The following DCUN1D2 variants were observed in gnomAD, a reference collection of about 807,000 sequenced individuals.
DCUN1D2 encodes defective in cullin neddylation 1 domain containing 2.
A neutral mutation model predicts 30.9 loss-of-function variants in DCUN1D2; 29 were observed. The observed-to-expected ratio is 0.94, with a 90% CI of 0.70 to 1.28. The LOEUF (loss-of-function observed/expected upper bound fraction) is 1.28. Among genes scored for constraint, DCUN1D2 ranks in the 50% most tolerant of loss-of-function variants. The pLI, the probability that DCUN1D2 is intolerant of heterozygous loss-of-function variation, is 0.00. For missense variants in DCUN1D2, 325 were observed against 316.9 expected (o/e 1.03, Z -0.19); for synonymous variants, 121 against 115.3 (o/e 1.05, Z -0.32).
At chr13:113,458,501 C>T (rs1271389862) in intron 6 of DCUN1D2, among the ~76,000 whole-genome samples, 1 of 152,230 alleles carries the variant, frequency 6.6e-6, no homozygotes, top group Non-Finnish European at 1.5e-5. Flanking sequence ...CCAAGTGGGA[C>T]CACCCCATTG....
intron 4 of DCUN1D2, 63 bp downstream of exon 4, chr13:113,474,061 G>T: frequency 6.4e-7 from 1 of 1,568,792 alleles, no homozygotes; most frequent in Non-Finnish European, 8.7e-7. Context: ...AAATCATGTT[G>T]CTCACGTCCA....
chr13:113,484,953 C>G (rs1208785033), intron 1 of DCUN1D2, among the ~76,000 whole-genome samples: 3 of 152,096 alleles, frequency 2.0e-5, no homozygotes, highest in African/African-American at 7.2e-5. Context: ...TGGCATGCGC[C>G]TATAGTCCCA....
At chr13:113,485,254 C>T (rs945212888) in intron 1 of DCUN1D2, among the ~76,000 whole-genome samples, 1 of 152,022 alleles carries the variant, frequency 6.6e-6, no homozygotes, top group South Asian at 2.1e-4. Context: ...TTACTCAAAA[C>T]GATTTATACT....
chr13:113,463,580 T>C (rs2044353392), intron 4 of DCUN1D2, among the ~76,000 whole-genome samples: 1 of 151,698 alleles, frequency 6.6e-6, no homozygotes. Context: ...AGCCAACTGA[T>C]TCAAGACTCT....
chr13:113,474,058 G>C, intron 4 of DCUN1D2, 66 bp downstream of exon 4: 3 of 1,561,600 alleles, frequency 1.9e-6, no homozygotes, highest in Admixed American at 1.8e-5. Context: ...CAAAAATCAT[G>C]TTGCTCACGT....
chr13:113,472,079 G>A, intron 4 of DCUN1D2, among the ~76,000 whole-genome samples: 1 of 152,030 alleles, frequency 6.6e-6, no homozygotes, highest in Non-Finnish European at 1.5e-5. Flanking sequence ...TCTACTGGTG[G>A]AGACAGCATT....
chr13:113,490,618 C>T lies in DCUN1D2; in HGVS notation c.3+49G>A. The T allele has an allele frequency of 8.3e-7, 1 of 1,210,678 alleles. No homozygotes were observed. Among genetic ancestry groups the T allele is most frequent in the Non-Finnish European group, 1.0e-6 (1 of 973,062 alleles). The allele number at this position is 1,210,678 out of a possible 1,614,324, so 75.0% of individuals were successfully genotyped here. On this transcript the variant is annotated intron_variant, in intron 1 of 6. Transcript: ENST00000478244. The surrounding 1 kb of genome is among the most constrained non-coding windows in gnomAD (Gnocchi z 5.2). ...CGCCGCCTGCGCCGACCTTGGGGCC[C>T]GACCCCGACCCCGACCCCGACGGGC... is the stretch of plus-strand genomic sequence containing the variant.
At chr13:113,474,659 C>T (rs1407034909) in intron 3 of DCUN1D2, among the ~76,000 whole-genome samples, 1 of 152,188 alleles carries the variant, frequency 6.6e-6, no homozygotes, top group East Asian at 1.9e-4. Flanking sequence ...AACTTGGTAG[C>T]TTTGACCACG....
chr13:113,458,176 A>T, intron 6 of DCUN1D2, 68 bp from the exon 7 acceptor site: 1 of 1,287,498 alleles, frequency 7.8e-7, no homozygotes, highest in Non-Finnish European at 1.1e-6. Context: ...ACTGAGTCAC[A>T]CATCAATCCA....
intron 2 of DCUN1D2, among the ~76,000 whole-genome samples, 195 bp downstream of exon 2, chr13:113,483,645 C>G (rs921946974): frequency 6.6e-6 from 1 of 152,210 alleles, no homozygotes; most frequent in Non-Finnish European, 1.5e-5. Context: ...CCCTCCCCAC[C>G]CCCACCAATC....
chr13:113,467,147 A>G (rs1566495688), intron 4 of DCUN1D2, among the ~76,000 whole-genome samples: 1 of 151,990 alleles, frequency 6.6e-6, no homozygotes, highest in African/African-American at 2.4e-5. Flanking sequence ...CCCCCACACA[A>G]TATAAAAAAA....
rs189287192 is a variant in DCUN1D2, at chr13:113,457,680, T to C, written c.*349A>G. On this transcript the variant is annotated 3_prime_UTR_variant, in exon 7 of 7. Transcript: ENST00000478244. ...CATTCGGCGGGACGCTGCCGGACGCTGGTTCGCCTGACGCGCGAGCTACGC... is the reference window on the plus strand; with the variant it reads ...CATTCGGCGGGACGCTGCCGGACGCCGGTTCGCCTGACGCGCGAGCTACGC... 3.1e-4 allele frequency: 53 copies of C among 172,128 alleles called. 2 individuals carry two copies. In the East Asian group the frequency reaches 7.2e-3, roughly 23 times the overall value. The allele number at this position is 172,128 out of a possible 1,614,324, so 10.7% of individuals were successfully genotyped here.
intron 4 of DCUN1D2, chr13:113,462,674 CAGAA>C (rs2044337720): frequency 2.3e-6 from 2 of 877,242 alleles, no homozygotes; most frequent in Non-Finnish European, 2.7e-6. Flanking sequence ...GAGTCTGAAT[CAGAA>C]AGAAAGAGAG....
chr13:113,471,148 A>G (rs957047948), intron 4 of DCUN1D2, among the ~76,000 whole-genome samples: 1 of 148,552 alleles, frequency 6.7e-6, no homozygotes, highest in South Asian at 2.1e-4. Flanking sequence ...AGAAGACCCA[A>G]CTCCACAGGG....
intron 3 of DCUN1D2, among the ~76,000 whole-genome samples, chr13:113,479,664 T>C (rs2139728586): frequency 6.6e-6 from 1 of 152,262 alleles, no homozygotes; most frequent in East Asian, 1.9e-4. Context: ...CGGAGTTTGC[T>C]GTGAGCCAAG....
intron 4 of DCUN1D2, chr13:113,462,898 A>G: frequency 8.0e-7 from 1 of 1,248,852 alleles, no homozygotes; most frequent in Non-Finnish European, 1.0e-6. Flanking sequence ...GAACCTGGGG[A>G]GGAAAAAAAA....
chr13:113,474,303 T>C (rs1178547338), intron 3 of DCUN1D2, 49 bp from the exon 4 acceptor site: 7 of 1,603,910 alleles, frequency 4.4e-6, no homozygotes, highest in Non-Finnish European at 6.0e-6. Context: ...GCCTCCCTAG[T>C]CGACTCCCCT....
At chr13:113,459,610 T>C in intron 5 of DCUN1D2, 1 of 421,874 alleles carries the variant, frequency 2.4e-6, no homozygotes. Context: ...GAAAGCAGAT[T>C]TATTTAAGAA....
At chr13:113,468,397 T>C (rs1477525561) in intron 4 of DCUN1D2, among the ~76,000 whole-genome samples, 1 of 152,080 alleles carries the variant, frequency 6.6e-6, no homozygotes, top group Non-Finnish European at 1.5e-5. Context: ...GGGGAGCCAG[T>C]GTTTGATGGG....
Sources: allele counts gnomAD v4.1 joint callset (sites outside exome capture counted in the v4.1 genomes callset), GRCh38; gene constraint gnomAD v4.1.1; non-coding constraint Gnocchi (gnomAD v3.1); transcripts MANE v1.5; gene names NCBI Gene and HGNC (gene_info 2026-07-23, HGNC 2026-07-21).